DPYD: variants seen among roughly 807,000 people sequenced by gnomAD.
DPYD encodes the protein dihydropyrimidine dehydrogenase [NADP(+)].
DPYD carries 109 observed loss-of-function variants against 116.2 expected under a neutral mutation model. The ratio of observed to expected loss-of-function variants is 0.94; its 90% CI spans 0.80 to 1.10. DPYD has a LOEUF of 1.10. DPYD is among the 50% of genes least tolerant of loss of function. The pLI, the probability that DPYD is intolerant of heterozygous loss-of-function variation, is 0.00. For synonymous variants in DPYD, 440 were observed against 432.0 expected (o/e 1.02, Z -0.23); for missense variants, 1,302 against 1,254.5 (o/e 1.04, Z -0.57).
intron 8 of DPYD, among the ~76,000 whole-genome samples, chr1:97,605,917 T>C (rs1655565644): frequency 1.3e-5 from 2 of 152,040 alleles, no homozygotes; most frequent in Admixed American, 1.3e-4. Flanking sequence ...TAAAACACCA[T>C]AAAAACAACT....
Position 97,699,582 on chromosome 1 carries a change from G to T in DPYD, c.484-35C>A, listed in dbSNP as rs748124816. 2.5e-6 allele frequency: 4 copies of T among 1,595,198 alleles called. No individual in the cohort carries two copies. The Admixed American group carries it at 6.7e-5, about 27-fold the overall frequency. ...AATCAATTGTCATGGTTAAAATTTT[G>T]AAACTAGCTTACATCCTCAAACATA... On this transcript the variant is annotated intron_variant, in intron 5 of 22. Coordinates refer to ENST00000370192, the MANE Select transcript of DPYD (RefSeq NM_000110.4).
intron 8 of DPYD, among the ~76,000 whole-genome samples, chr1:97,645,202 G>A (rs1480304272): frequency 6.6e-6 from 1 of 151,980 alleles, no homozygotes; most frequent in East Asian, 1.9e-4. Context: ...TAGACACATT[G>A]TTTCATGTAT....
rs143645689 is a variant in DPYD, at chr1:97,845,415, G to A, written c.151-17219C>T. On this transcript the variant is annotated intron_variant, in intron 2 of 22. Transcript: ENST00000370192. ...TTGGGTCTTCACCACTAGTTGGGAC[G>A]ACCTGCCTACAGAAAGAAGCTACCC... 1.7e-3 allele frequency among the ~76,000 whole-genome samples: 257 copies of A among 152,302 alleles called. 1 individual carries two copies. Among genetic ancestry groups the A allele is most frequent in the African/African-American group, 5.9e-3 (244 of 41,564 alleles).
chr1:97,920,961 C>T lies in DPYD; in HGVS notation c.-39G>A. The T allele has an allele frequency of 6.4e-7, 1 of 1,564,898 alleles. No homozygotes were observed. On this transcript the variant is annotated 5_prime_UTR_variant, in exon 1 of 23. Coordinates refer to ENST00000370192, the MANE Select transcript of DPYD (RefSeq NM_000110.4). ...GTCTCGAGTCTGCCAGTGACAAACC[C>T]TCCTTGCGTCCTCAAGCTCCAGCCA... is the stretch of plus-strand genomic sequence containing the variant.
chr1:97,397,718 T>A (rs1328964192), intron 14 of DPYD, among the ~76,000 whole-genome samples: 2 of 152,066 alleles, frequency 1.3e-5, no homozygotes, highest in East Asian at 3.9e-4. Flanking sequence ...TAGCACTAAA[T>A]AATATATCAC....
intron 20 of DPYD, among the ~76,000 whole-genome samples, chr1:97,149,398 A>G (rs1654858102): frequency 6.6e-6 from 1 of 152,110 alleles, no homozygotes. Context: ...GATTACAGGC[A>G]TGCACTGCCA....
chr1:97,567,252 AC>A (rs1370072995), intron 11 of DPYD, among the ~76,000 whole-genome samples: 6 of 152,038 alleles, frequency 3.9e-5, no homozygotes, highest in Non-Finnish European at 8.8e-5. Flanking sequence ...TGTTTGATTT[AC>A]CCCATGAGGC....
chr1:97,305,733 G>A (rs1189507482), intron 17 of DPYD, among the ~76,000 whole-genome samples: 1 of 151,950 alleles, frequency 6.6e-6, no homozygotes, highest in Non-Finnish European at 1.5e-5. Flanking sequence ...GATATTTATT[G>A]AGCATGTGTT....
intron 10 of DPYD, among the ~76,000 whole-genome samples, chr1:97,588,493 A>G (rs1654295358): frequency 6.6e-6 from 1 of 152,190 alleles, no homozygotes; most frequent in Non-Finnish European, 1.5e-5. Context: ...TCTGACCTTC[A>G]TGCCTCCTTT....
chr1:97,663,005 A>G (rs1168453865), intron 8 of DPYD, among the ~76,000 whole-genome samples: 1 of 152,206 alleles, frequency 6.6e-6, no homozygotes, highest in East Asian at 1.9e-4. Flanking sequence ...ATTTCAGTGA[A>G]AAGGTAGTTT....
At position 97,217,792 on chromosome 1, in the gene DPYD, C is replaced by T. The variant is rs1185231569; in HGVS notation, c.2442+17060G>A. ...GGCTGGACCAGAGTGCTGATGGCTC[C>T]CTGATGTGCCAATCATTGTTGGATA... On this transcript the variant is annotated intron_variant, in intron 19 of 22. Transcript: ENST00000370192. Among the ~76,000 whole-genome samples, 3 of 152,094 alleles carry T rather than the reference C, an allele frequency of 2.0e-5. No individual in the cohort carries two copies. The East Asian group carries it at 5.8e-4, about 29-fold the overall frequency.
At chr1:97,522,262 C>A (rs1456323646) in intron 12 of DPYD, among the ~76,000 whole-genome samples, 3 of 152,156 alleles carry the variant, frequency 2.0e-5, no homozygotes, top group Admixed American at 6.5e-5. Flanking sequence ...TGAACAGACA[C>A]TTCTCAAAAG....
chr1:97,177,803 T>A (rs1359640385), intron 20 of DPYD, among the ~76,000 whole-genome samples: 1 of 152,084 alleles, frequency 6.6e-6, no homozygotes, highest in African/African-American at 2.4e-5. Flanking sequence ...TATAATAAAA[T>A]ACCATAAACT....
chr1:97,222,331 A>G (rs1222224383), intron 19 of DPYD, among the ~76,000 whole-genome samples: 1 of 152,142 alleles, frequency 6.6e-6, no homozygotes, highest in African/African-American at 2.4e-5. Context: ...CATCTTAGCT[A>G]ACTCATGATT....
At chr1:97,837,786 T>C (rs1414822848) in intron 2 of DPYD, among the ~76,000 whole-genome samples, 1 of 152,170 alleles carries the variant, frequency 6.6e-6, no homozygotes, top group Non-Finnish European at 1.5e-5. Flanking sequence ...TGCTTGAATG[T>C]GATAATGACT....
At chr1:97,452,338 T>C (rs767695042) in intron 13 of DPYD, among the ~76,000 whole-genome samples, 8 of 152,188 alleles carry the variant, frequency 5.3e-5, no homozygotes, top group Non-Finnish European at 8.8e-5. Flanking sequence ...AAAGAAACTA[T>C]ATTTTGTTTA....
In DPYD at chr1:97,084,817, T is replaced by A. The variant is rs150017017; in HGVS notation, c.2767-2347A>T. On this transcript the variant is annotated intron_variant, in intron 21 of 22. Transcript: ENST00000370192. Reference sequence around the variant, plus strand: ...GATATTTTCTACATTTAGCTTCCCATGTTGTGGTCTCTTAGTAAGCTTTAA... The same window carrying A: ...GATATTTTCTACATTTAGCTTCCCAAGTTGTGGTCTCTTAGTAAGCTTTAA... Among the ~76,000 whole-genome samples, 7 of 152,344 alleles carry A rather than the reference T, an allele frequency of 4.6e-5. No individual in the cohort carries two copies. In the East Asian group the frequency reaches 1.3e-3, roughly 29 times the overall value.
chr1:97,567,175 G>C lies in DPYD; in HGVS notation c.1339+6585C>G, dbSNP rs17116949. 5.3e-3 allele frequency among the ~76,000 whole-genome samples: 806 copies of C among 152,162 alleles called. 11 individuals are homozygous for C. The highest frequency in any genetic ancestry group is 0.019 in the African/African-American group (781 of 41,518). On this transcript the variant is annotated intron_variant, in intron 11 of 22. Coordinates refer to ENST00000370192, the MANE Select transcript of DPYD (RefSeq NM_000110.4). ...CCAGAACAAGGCAAATTAACCCATG[G>C]CCTGCACCTTTTCTCAGTATGGGGG...
intron 16 of DPYD, among the ~76,000 whole-genome samples, chr1:97,354,058 T>C (rs558099321): frequency 3.2e-4 from 48 of 152,320 alleles, no homozygotes; most frequent in Admixed American, 8.5e-4. Context: ...ATAGTAAATA[T>C]ATCATAGAAT....
Sources: gnomAD v4.1 joint callset for allele counts (sites outside exome capture counted in the v4.1 genomes callset) on GRCh38, gnomAD v4.1.1 for gene constraint, MANE v1.5 for transcripts, NCBI Gene and HGNC (gene_info 2026-07-23, HGNC 2026-07-21) for gene names.